ME1: variants seen among roughly 807,000 people sequenced by gnomAD.
ME1 encodes malic enzyme 1, also known as NADP-dependent malic enzyme.
Under a neutral mutation model 66.4 loss-of-function variants are expected in ME1, and 74 were observed. The ratio of observed to expected loss-of-function variants is 1.11; its 90% CI spans 0.92 to 1.35. The LOEUF (loss-of-function observed/expected upper bound fraction) is 1.35, where lower values mean the gene tolerates loss of function less well. Ranked by LOEUF, ME1 falls within the 40% of genes most tolerant of loss-of-function variation. ME1 has a pLI of 0.00. For missense variants in ME1, 750 were observed against 694.1 expected, an observed-to-expected ratio of 1.08 and a Z score of -0.90; for synonymous variants, 251 against 235.6, an observed-to-expected ratio of 1.07 and a Z score of -0.60.
intron 4 of ME1, 82 bp downstream of exon 4, chr6:83,351,982 A>C: frequency 1.4e-6 from 1 of 728,556 alleles, no homozygotes. Context: ...TATTATCATG[A>C]GAATTGTCAG....
intron 9 of ME1, among the ~76,000 whole-genome samples, chr6:83,237,406 GAAAA>G (rs1468767509): frequency 2.2e-5 from 2 of 91,250 alleles, no homozygotes; most frequent in African/African-American, 8.0e-5. Context: ...AGGAAAGAAA[GAAAA>G]AGAAAGAAAG....
chr6:83,341,307 T>G (rs1337957998), intron 5 of ME1, among the ~76,000 whole-genome samples: 1 of 152,206 alleles, frequency 6.6e-6, no homozygotes, highest in African/African-American at 2.4e-5. Flanking sequence ...TCTCTTCTTT[T>G]GTGAGATTTT....
intron 5 of ME1, among the ~76,000 whole-genome samples, chr6:83,316,402 T>A: frequency 6.6e-6 from 1 of 152,102 alleles, no homozygotes; most frequent in Admixed American, 6.6e-5. Flanking sequence ...CTCAGTAAAC[T>A]AGAAGCAGAA....
At chr6:83,290,105 T>C (rs575563292) in intron 6 of ME1, among the ~76,000 whole-genome samples, 1 of 151,910 alleles carries the variant, frequency 6.6e-6, no homozygotes, top group Admixed American at 6.6e-5. Context: ...TTTTTGAAGG[T>C]TTTTTTTGTG....
Position 83,430,957 on chromosome 6 carries a change from C to G in ME1, c.-3G>C. On this transcript the variant is annotated 5_prime_UTR_variant, in exon 1 of 14. Transcript: ENST00000369705. ...CGACGGGGGGCTTCGGGCTCCATGGCTGGCGCCGGGTTCGGCGGCGGGGTC... is the reference window on the plus strand; with the variant it reads ...CGACGGGGGGCTTCGGGCTCCATGGGTGGCGCCGGGTTCGGCGGCGGGGTC... 1.2e-5 allele frequency: 18 copies of G among 1,561,072 alleles called. No individual in the cohort carries two copies. Among genetic ancestry groups the G allele is most frequent in the Non-Finnish European group, 1.6e-5 (18 of 1,156,044 alleles).
chr6:83,413,551 T>C (rs541313552), intron 1 of ME1, among the ~76,000 whole-genome samples: 19 of 152,216 alleles, frequency 1.2e-4, no homozygotes, highest in Non-Finnish European at 2.6e-4. Flanking sequence ...ATTATTTATA[T>C]ATAAAGAGTA....
intron 8 of ME1, among the ~76,000 whole-genome samples, chr6:83,238,540 C>T (rs182919638): frequency 9.2e-5 from 14 of 152,042 alleles, no homozygotes; most frequent in African/African-American, 2.4e-4. Context: ...TGTAATAATC[C>T]GCAAAATAGA....
At chr6:83,240,104 A>G (rs1328853964) in intron 7 of ME1, among the ~76,000 whole-genome samples, 1 of 152,096 alleles carries the variant, frequency 6.6e-6, no homozygotes, top group Non-Finnish European at 1.5e-5. Flanking sequence ...GATCCCCTTC[A>G]CACAAAGAAG....
At chr6:83,310,896 G>A (rs1398361175) in intron 6 of ME1, among the ~76,000 whole-genome samples, 1 of 152,082 alleles carries the variant, frequency 6.6e-6, no homozygotes, top group Admixed American at 6.6e-5. Flanking sequence ...GAATATTCAA[G>A]CTCCCAAACT....
chr6:83,291,524 C>T (rs988985128), intron 6 of ME1, among the ~76,000 whole-genome samples: 1 of 152,092 alleles, frequency 6.6e-6, no homozygotes, highest in Non-Finnish European at 1.5e-5. Flanking sequence ...TGTGGGTAAC[C>T]CAACCTTTCT....
intron 9 of ME1, among the ~76,000 whole-genome samples, chr6:83,231,484 A>G (rs576188819): frequency 6.6e-5 from 10 of 152,300 alleles, no homozygotes; most frequent in African/African-American, 2.2e-4. Context: ...CACACACAAA[A>G]TGTCTCCCAA....
intron 3 of ME1, among the ~76,000 whole-genome samples, chr6:83,397,501 G>A (rs1769758515): frequency 6.6e-6 from 1 of 152,256 alleles, no homozygotes. Flanking sequence ...CTGAGGAAAG[G>A]AAACTCTTAT....
At chr6:83,280,874 C>A (rs1205525903) in intron 6 of ME1, among the ~76,000 whole-genome samples, 1 of 152,040 alleles carries the variant, frequency 6.6e-6, no homozygotes, top group Non-Finnish European at 1.5e-5. Flanking sequence ...TGCCATATGG[C>A]AAATAGTCAA....
At chr6:83,357,935 C>CTCTCTCTCTCTATATA (rs1447805761) in intron 3 of ME1, among the ~76,000 whole-genome samples, 2 of 30,040 alleles carry the variant, frequency 6.7e-5, no homozygotes, top group African/African-American at 2.3e-4. Flanking sequence ...CTCTCTCTCT[C>CTCTCTCTCTCTATATA]TATATATATA....
At chr6:83,362,482 C>A (rs1228264768) in intron 3 of ME1, among the ~76,000 whole-genome samples, 1 of 152,192 alleles carries the variant, frequency 6.6e-6, no homozygotes, top group African/African-American at 2.4e-5. Context: ...GGCCCATGAA[C>A]AAAGTACCCA....
intron 12 of ME1, among the ~76,000 whole-genome samples, chr6:83,219,740 ATTTT>A (rs11324255): frequency 1.3e-4 from 17 of 133,204 alleles, no homozygotes; most frequent in African/African-American, 3.9e-4. Context: ...TGCCCAACTA[ATTTT>A]TTTTTTTTTT....
At chr6:83,411,415 C>T (rs948809104) in intron 1 of ME1, among the ~76,000 whole-genome samples, 29 of 151,750 alleles carry the variant, frequency 1.9e-4, no homozygotes, top group Non-Finnish European at 3.5e-4. Context: ...CTATTACCAC[C>T]CTTTACAAGT....
chr6:83,237,033 G>GTT (rs11451018), intron 9 of ME1, among the ~76,000 whole-genome samples: 7 of 145,158 alleles, frequency 4.8e-5, no homozygotes, highest in African/African-American at 7.6e-5. Flanking sequence ...AAGCTGTACA[G>GTT]TTTTTTTTTT....
chr6:83,304,234 C>T (rs2128537238), intron 6 of ME1, among the ~76,000 whole-genome samples: 1 of 152,180 alleles, frequency 6.6e-6, no homozygotes, highest in Admixed American at 6.5e-5. Flanking sequence ...TGAGGATTGA[C>T]TCCAAAGTGC....
Sources: gnomAD v4.1 joint callset for allele counts (sites outside exome capture counted in the v4.1 genomes callset) on GRCh38, gnomAD v4.1.1 for gene constraint, MANE v1.5 for transcripts, NCBI Gene and HGNC (gene_info 2026-07-23, HGNC 2026-07-21) for gene names.